Variants in MEMO1 observed in about 807,000 individuals in gnomAD.
MEMO1 encodes the protein mediator of cell motility 1.
Under a neutral mutation model 45.2 loss-of-function variants are expected in MEMO1, and 6 were observed. The ratio of observed to expected loss-of-function variants is 0.13; its 90% CI spans 0.07 to 0.26. The LOEUF (loss-of-function observed/expected upper bound fraction) is 0.26. MEMO1 is among the 10% of genes least tolerant of loss of function. The probability of loss-of-function intolerance (pLI) is 1.00; values close to 1 mark genes in which losing one functional copy is unlikely to be tolerated. For missense variants in MEMO1, 184 were observed against 370.5 expected, an observed-to-expected ratio of 0.50 and a Z score of 4.13; for synonymous variants, 78 against 124.3, an observed-to-expected ratio of 0.63 and a Z score of 2.48.
At chr2:31,908,406 C>T (rs1680070935) in intron 6 of MEMO1, among the ~76,000 whole-genome samples, 2 of 151,498 alleles carry the variant, frequency 1.3e-5, no homozygotes, top group Admixed American at 1.3e-4. Context: ...TCTAACCTAA[C>T]ATGTAAAGAT....
At chr2:31,947,569 C>A (rs1370310285) in intron 2 of MEMO1, among the ~76,000 whole-genome samples, 2 of 152,068 alleles carry the variant, frequency 1.3e-5, no homozygotes, top group African/African-American at 4.8e-5. Flanking sequence ...ATTGCTAAAT[C>A]CTAGCAAAAC....
chr2:31,917,151 T>C (rs1681579636), intron 6 of MEMO1, among the ~76,000 whole-genome samples: 1 of 152,128 alleles, frequency 6.6e-6, no homozygotes, highest in Non-Finnish European at 1.5e-5. Flanking sequence ...ACTAATATAA[T>C]GAACAAATCC....
intron 2 of MEMO1, among the ~76,000 whole-genome samples, chr2:31,953,993 C>T (rs775944258): frequency 3.3e-5 from 5 of 152,158 alleles, no homozygotes; most frequent in Non-Finnish European, 7.3e-5. Context: ...AAAATCAAAG[C>T]CATCTTAAAT....
intron 2 of MEMO1, among the ~76,000 whole-genome samples, chr2:31,970,739 C>G (rs113391581): frequency 6.6e-6 from 1 of 152,072 alleles, no homozygotes; most frequent in South Asian, 2.1e-4. Flanking sequence ...CACGGTGGCT[C>G]ACGCCTGTAA....
intron 2 of MEMO1, among the ~76,000 whole-genome samples, chr2:31,960,892 T>C (rs1032899744): frequency 1.3e-5 from 2 of 152,108 alleles, no homozygotes; most frequent in Non-Finnish European, 2.9e-5. Context: ...GGCCAAATCT[T>C]CTCAATTTAA....
chr2:31,923,519 T>C (rs1294843988), intron 4 of MEMO1: 3 of 1,153,838 alleles, frequency 2.6e-6, no homozygotes, highest in Non-Finnish European at 3.4e-6. Context: ...TGGTCACCTA[T>C]CTTAATAGCA....
chr2:31,933,338 A>ATAT (rs1664446443), intron 3 of MEMO1, among the ~76,000 whole-genome samples: 1 of 57,244 alleles, frequency 1.7e-5, no homozygotes, highest in African/African-American at 7.9e-5. Context: ...AAAAAAAAAA[A>ATAT]AAAAAAAAAA....
intron 6 of MEMO1, among the ~76,000 whole-genome samples, chr2:31,907,486 C>T (rs577600797): frequency 1.6e-4 from 24 of 151,868 alleles, no homozygotes; most frequent in Admixed American, 3.3e-4. Context: ...TAAAAACAAC[C>T]CAATTTTTAT....
At chr2:31,933,358 TATATATA>T (rs1664519588) in intron 3 of MEMO1, among the ~76,000 whole-genome samples, 1 of 29,354 alleles carries the variant, frequency 3.4e-5, no homozygotes, top group African/African-American at 1.1e-4. Context: ...AATTTATATA[TATATATA>T]TATATATATA....
intron 2 of MEMO1, among the ~76,000 whole-genome samples, chr2:31,974,474 C>T (rs968349557): frequency 2.6e-5 from 4 of 152,138 alleles, no homozygotes; most frequent in Non-Finnish European, 1.5e-5. Flanking sequence ...CGGCCGGGCA[C>T]GGTGACTCAC....
intron 2 of MEMO1, among the ~76,000 whole-genome samples, chr2:31,991,417 C>A (rs1032812761): frequency 6.6e-6 from 1 of 151,958 alleles, no homozygotes. Flanking sequence ...ACTAAAAATA[C>A]AAAATTAGCT....
At chr2:31,927,973 T>A (rs754990210) in intron 4 of MEMO1, among the ~76,000 whole-genome samples, 25 of 152,188 alleles carry the variant, frequency 1.6e-4, no homozygotes, top group Non-Finnish European at 3.1e-4. Flanking sequence ...ACCTACCAAT[T>A]TAGCAGCACA....
intron 2 of MEMO1, among the ~76,000 whole-genome samples, chr2:31,962,937 C>T (rs1417479161): frequency 6.6e-6 from 1 of 152,202 alleles, no homozygotes; most frequent in Non-Finnish European, 1.5e-5. Flanking sequence ...GTAGGCCCCA[C>T]CTCATCAGTT....
chr2:31,888,294 C>T (rs1187458052), intron 7 of MEMO1, among the ~76,000 whole-genome samples: 1 of 152,106 alleles, frequency 6.6e-6, no homozygotes, highest in Admixed American at 6.6e-5. Flanking sequence ...AACTACCATA[C>T]CCGGTTCATA....
chr2:31,889,634 T>C (rs1558479569), intron 7 of MEMO1, among the ~76,000 whole-genome samples: 1 of 152,040 alleles, frequency 6.6e-6, no homozygotes, highest in Non-Finnish European at 1.5e-5. Flanking sequence ...AGAAAATGTA[T>C]CTCACTTTAC....
intron 8 of MEMO1, among the ~76,000 whole-genome samples, chr2:31,882,840 T>G (rs1420519627): frequency 6.6e-6 from 1 of 152,164 alleles, no homozygotes; most frequent in Non-Finnish European, 1.5e-5. Context: ...ATATAATTCC[T>G]CCAACAGAAT....
intron 6 of MEMO1, among the ~76,000 whole-genome samples, chr2:31,893,015 GA>G (rs1321751916): frequency 1.3e-5 from 2 of 152,034 alleles, no homozygotes; most frequent in African/African-American, 4.8e-5. Context: ...TTAGAAGCAT[GA>G]ATCATGTTTG....
intron 3 of MEMO1, among the ~76,000 whole-genome samples, chr2:31,936,311 C>A (rs1268806732): frequency 6.6e-6 from 1 of 152,142 alleles, no homozygotes; most frequent in Non-Finnish European, 1.5e-5. Context: ...TGCAAAAAGC[C>A]ATCCCCACTA....
intron 6 of MEMO1, among the ~76,000 whole-genome samples, chr2:31,913,218 C>A (rs944304720): frequency 7.0e-6 from 1 of 143,508 alleles, no homozygotes; most frequent in African/African-American, 2.6e-5. Flanking sequence ...GAGCCATGAT[C>A]CAGCCTGGTG....
Sources: gnomAD v4.1 joint callset for allele counts (sites outside exome capture counted in the v4.1 genomes callset) on GRCh38, gnomAD v4.1.1 for gene constraint, MANE v1.5 for transcripts, NCBI Gene and HGNC (gene_info 2026-07-23, HGNC 2026-07-21) for gene names.